CPD: variants seen among roughly 807,000 people sequenced by gnomAD.
CPD encodes metallocarboxypeptidase D.
Under a neutral mutation model 138.3 loss-of-function variants are expected in CPD, and 69 were observed. The observed-to-expected ratio is 0.50, with a 90% CI of 0.41 to 0.61. The LOEUF is 0.61. CPD is among the 20% of genes least tolerant of loss of function. The pLI, the probability that CPD is intolerant of heterozygous loss-of-function variation, is 0.00. For synonymous variants in CPD, 651 were observed against 642.1 expected (o/e 1.01, Z -0.21); for missense variants, 1,432 against 1,733.3 (o/e 0.83, Z 3.09).
At chr17:30,427,942 C>T (rs1204759318) in intron 7 of CPD, among the ~76,000 whole-genome samples, 2 of 151,492 alleles carry the variant, frequency 1.3e-5, no homozygotes, top group Admixed American at 1.3e-4. Flanking sequence ...TGTTCTTCCT[C>T]CTCCTCTCCT....
At chr17:30,417,026 T>TG (rs971312587) in intron 2 of CPD, among the ~76,000 whole-genome samples, 2 of 150,858 alleles carry the variant, frequency 1.3e-5, no homozygotes, top group African/African-American at 4.9e-5. Flanking sequence ...TGCTTGAACC[T>TG]GGGAGGTGGA....
intron 12 of CPD, among the ~76,000 whole-genome samples, chr17:30,446,854 T>G (rs1246506730): frequency 6.6e-6 from 1 of 152,244 alleles, no homozygotes; most frequent in Non-Finnish European, 1.5e-5. Context: ...CCTGACTTTT[T>G]AATGATTGCT....
intron 2 of CPD, among the ~76,000 whole-genome samples, chr17:30,394,901 A>ATGTGTG (rs113868957): frequency 0.021 from 3,155 of 148,394 alleles, 57 homozygotes; most frequent in African/African-American, 0.042. Context: ...GCATGTGTGT[A>ATGTGTG]TGTGTGTGTG....
chr17:30,433,021 T>C (rs1164437232), intron 8 of CPD, among the ~76,000 whole-genome samples: 6 of 152,228 alleles, frequency 3.9e-5, no homozygotes, highest in African/African-American at 1.4e-4. Context: ...AGTATTGTTA[T>C]TGGTTATATT....
At chr17:30,442,586 G>GTA in intron 10 of CPD, 136 bp downstream of exon 10, 1 of 791,682 alleles carries the variant, frequency 1.3e-6, no homozygotes, top group South Asian at 2.0e-5. Context: ...TAACCAGTTT[G>GTA]TATATTCCAA....
At position 30,422,916 on chromosome 17, in the gene CPD, C is replaced by T; in HGVS notation, c.1550C>T (p.Ala517Val). 1.2e-6 allele frequency: 2 copies of T among 1,614,018 alleles called. No individual in the cohort carries two copies. Among genetic ancestry groups the T allele is most frequent in the Non-Finnish European group, 1.7e-6 (2 of 1,179,932 alleles). Residue 517 changes from alanine to valine, a missense_variant, in exon 5 of 21, where the codon GCC (alanine) becomes GTC (valine). Coordinates refer to ENST00000225719, the MANE Select transcript of CPD (RefSeq NM_001304.5). Reference protein sequence around the residue: ...PDMEIFLRRFANEYPNITRLY... With the variant: ...PDMEIFLRRFVNEYPNITRLY... ...ATGGAAATCTTCTTGAGAAGGTTTG[C>T]CAATGAATATCCTAACATTACCCGG...
intron 6 of CPD, among the ~76,000 whole-genome samples, chr17:30,424,295 G>T (rs1912343869): frequency 6.6e-6 from 1 of 152,186 alleles, no homozygotes; most frequent in South Asian, 2.1e-4. Context: ...CAGGTAGCAG[G>T]CTTCACAGAG....
rs1162338398 is a variant in CPD, at chr17:30,379,648, A to T, written c.668A>T (p.Gln223Leu). The T allele has an allele frequency of 6.6e-7, 1 of 1,509,322 alleles. No individual in the cohort carries two copies. Among genetic ancestry groups the T allele is most frequent in the Non-Finnish European group, 8.7e-7 (1 of 1,144,524 alleles). 93.5% of individuals were successfully genotyped at this position (1,509,322 alleles called of 1,614,324 possible). Residue 223 changes from glutamine (Q) to leucine (L), a missense_variant, in exon 1 of 21, where the codon CAG becomes CTG. Physicochemically the swap from Gln to Leu is moderately radical, Grantham distance 113. Coordinates refer to ENST00000225719, the MANE Select transcript of CPD (RefSeq NM_001304.5). The surrounding 1 kb of genome is among the most constrained non-coding windows in gnomAD (Gnocchi z 7.0). ...GRDLNRSFPDQFSTGEPPALD... is the reference protein window; with the variant it reads ...GRDLNRSFPDLFSTGEPPALD... ...GACCTCAACCGAAGCTTTCCCGACC[A>T]GTTTAGCACCGGCGAACCCCCCGCC...
chr17:30,427,307 AGTTAAG>A (rs1202842156), intron 6 of CPD, 78 bp from the exon 7 acceptor site: 2 of 1,268,444 alleles, frequency 1.6e-6, no homozygotes, highest in Non-Finnish European at 2.3e-6. Flanking sequence ...ATTTGCCTTG[AGTTAAG>A]GTATCTAAAG....
chr17:30,426,465 C>T (rs1025759068), intron 6 of CPD, among the ~76,000 whole-genome samples: 1 of 152,104 alleles, frequency 6.6e-6, no homozygotes, highest in Non-Finnish European at 1.5e-5. Flanking sequence ...GAAAACAGTC[C>T]TTATGTGCTG....
At chr17:30,406,622 A>C (rs548777787) in intron 2 of CPD, among the ~76,000 whole-genome samples, 1 of 152,286 alleles carries the variant, frequency 6.6e-6, no homozygotes, top group South Asian at 2.1e-4. Flanking sequence ...AAAATAGGAC[A>C]ATTAAGGGAT....
rs1413740807 is a variant in CPD, at chr17:30,379,617, G to C, written c.637G>C (p.Gly213Arg). 6.8e-7 allele frequency: 1 copy of C among 1,479,844 alleles called. No individual in the cohort carries two copies. The highest frequency in any genetic ancestry group is 2.9e-5 in the Admixed American group (1 of 34,556). 91.7% of individuals were successfully genotyped at this position (1,479,844 alleles called of 1,614,324 possible). The change falls in exon 1 of 21, where the codon GGC (glycine) becomes CGC (arginine). Residue 213 changes from glycine to arginine, a missense_variant. Transcript: ENST00000225719. The surrounding 1 kb of genome is among the most constrained non-coding windows in gnomAD (Gnocchi z 7.0). Reference sequence around the variant, plus strand: ...GGCCAGCGGCCGCGACAATAGTCGCGGCCGCGACCTCAACCGAAGCTTTCC... The same window carrying C: ...GGCCAGCGGCCGCGACAATAGTCGCCGCCGCGACCTCAACCGAAGCTTTCC... ...SGASGRDNSR[G>R]RDLNRSFPDQ...
chr17:30,379,829 G>A lies in CPD; in HGVS notation c.746+103G>A. ...AGACAATGCTGGCATAAGGGGTGGC[G>A]GTGGTGAAGGTGAAGGGAGACACCC... On this transcript the variant is annotated intron_variant, in intron 1 of 20. Transcript: ENST00000225719. This position sits in a 1 kb window ranked among gnomAD's most constrained non-coding sequence, Gnocchi z 7.0. 1.2e-6 allele frequency: 1 copy of A among 813,900 alleles called. No individual in the cohort carries two copies. The highest frequency in any genetic ancestry group is 1.7e-6 in the Non-Finnish European group (1 of 581,562). The allele number at this position is 813,900 out of a possible 1,614,324, so 50.4% of individuals were successfully genotyped here.
chr17:30,468,964 C>G lies in CPD; in HGVS notation c.*4150C>G, dbSNP rs2143528764. 6.6e-6 allele frequency: 1 copy of G among 152,290 alleles called. No homozygotes were observed. Among genetic ancestry groups the G allele is most frequent in the Admixed American group, 6.5e-5 (1 of 15,304 alleles). The allele number at this position is 152,290 out of a possible 1,614,324, so 9.4% of individuals were successfully genotyped here. A position where few individuals can be genotyped will look rare whatever the true frequency, so the allele number is the denominator to read the frequency against. ...GTTCAATCATTTCACAATAACAACACAAAACTGGTCATTGAAAGGTTTTTA... is the reference window on the plus strand; with the variant it reads ...GTTCAATCATTTCACAATAACAACAGAAAACTGGTCATTGAAAGGTTTTTA... On this transcript the variant is annotated 3_prime_UTR_variant, in exon 21 of 21. Coordinates refer to ENST00000225719, the MANE Select transcript of CPD (RefSeq NM_001304.5).
chr17:30,381,473 A>G (rs1283535475), intron 1 of CPD, among the ~76,000 whole-genome samples: 1 of 152,166 alleles, frequency 6.6e-6, no homozygotes. Context: ...GTGGCTGTGG[A>G]CTACCCTAAT....
At chr17:30,450,606 C>T (rs1913143785) in intron 13 of CPD, among the ~76,000 whole-genome samples, 2 of 152,178 alleles carry the variant, frequency 1.3e-5, no homozygotes, top group Admixed American at 1.3e-4. Flanking sequence ...TGCCTGTAAT[C>T]ACAACACTTC....
In CPD at chr17:30,379,673, C is replaced by T; in HGVS notation, c.693C>T (p.Ala231=). 6.6e-7 allele frequency: 1 copy of T among 1,523,986 alleles called. No individual in the cohort carries two copies. The highest frequency in any genetic ancestry group is 8.7e-7 in the Non-Finnish European group (1 of 1,152,924). The allele number at this position is 1,523,986 out of a possible 1,614,324, so 94.4% of individuals were successfully genotyped here. The change falls in exon 1 of 21, where the codon GCC becomes GCT. Residue 231 remains alanine (A), a synonymous_variant. Transcript: ENST00000225719. The surrounding 1 kb of genome is among the most constrained non-coding windows in gnomAD (Gnocchi z 7.0). ...PDQFSTGEPP[A]LDEVPEVRAL... is the part of the protein sequence containing the mutation. ...AGTTTAGCACCGGCGAACCCCCCGC[C>T]CTGGACGAGGTGCCCGAGGTGCGCG... is the stretch of plus-strand genomic sequence containing the variant.
At chr17:30,430,883 G>A (rs1912545038) in intron 7 of CPD, among the ~76,000 whole-genome samples, 1 of 151,896 alleles carries the variant, frequency 6.6e-6, no homozygotes, top group African/African-American at 2.4e-5. Flanking sequence ...GAACTCTTGG[G>A]CTCAAGCAAT....
In CPD at chr17:30,446,065, A is replaced by G; in HGVS notation, c.2873+45A>G. On this transcript the variant is annotated intron_variant, in intron 12 of 20. Transcript: ENST00000225719. The stretch of plus-strand genomic sequence containing the variant: ...GTCTTTTTTTTTTTTTCAAGACAGT[A>G]AAATCAGCATTAGCCATGTTGAATA... 2.3e-6 allele frequency: 3 copies of G among 1,332,850 alleles called. No individual in the cohort carries two copies. In the Middle Eastern group the frequency reaches 5.8e-4, roughly 257 times the overall value. The allele number at this position is 1,332,850 out of a possible 1,614,324, so 82.6% of individuals were successfully genotyped here.
Sources: allele counts gnomAD v4.1 joint callset (sites outside exome capture counted in the v4.1 genomes callset), GRCh38; gene constraint gnomAD v4.1.1; non-coding constraint Gnocchi (gnomAD v3.1); transcripts MANE v1.5; gene names NCBI Gene and HGNC (gene_info 2026-07-23, HGNC 2026-07-21).